The following C10orf105 variants were observed in gnomAD, a reference collection of about 807,000 sequenced individuals.
C10orf105 encodes the protein chromosome 10 open reading frame 105, also known as uncharacterized protein C10orf105.
C10orf105 carries 2 observed loss-of-function variants against 0.6 expected under a neutral mutation model. That is an observed-to-expected ratio of 3.18 (90% CI 1.30 to 10.01). The LOEUF is 10.01. Ranked by LOEUF, C10orf105 falls within the 30% of genes most tolerant of loss-of-function variation. The probability of loss-of-function intolerance (pLI) is 0.04; values close to 1 mark genes in which losing one functional copy is unlikely to be tolerated. For synonymous variants in C10orf105, 95 were observed against 82.4 expected (o/e 1.15, Z -0.83); for missense variants, 209 against 191.4 (o/e 1.09, Z -0.54).
At position 71,715,514 on chromosome 10, in the gene C10orf105, C is replaced by A. The variant is rs1866172811; in HGVS notation, c.*422G>T. ...TGTCTTGGCCCCGGTGTAGGCTGAG[C>A]ATTTCACTTGACTAAAGGGAACCTT... On this transcript the variant is annotated 3_prime_UTR_variant, in exon 2 of 2. Coordinates refer to ENST00000441508, the MANE Select transcript of C10orf105 (RefSeq NM_001164375.3). The A allele has an allele frequency of 6.3e-6, 1 of 159,662 alleles. No individual in the cohort carries two copies. Among genetic ancestry groups the A allele is most frequent in the South Asian group, 1.9e-4 (1 of 5,286 alleles). 9.9% of individuals were successfully genotyped at this position (159,662 alleles called of 1,614,324 possible). A position where few individuals can be genotyped will look rare whatever the true frequency, so the allele number is the denominator to read the frequency against.
intron 1 of C10orf105, among the ~76,000 whole-genome samples, chr10:71,727,251 C>T (rs766152487): frequency 1.3e-5 from 2 of 152,218 alleles, no homozygotes; most frequent in African/African-American, 2.4e-5. Flanking sequence ...TGGAGCCAGG[C>T]TTCATGCCTT....
At position 71,712,622 on chromosome 10, in the gene C10orf105, T is replaced by C; in HGVS notation, c.*3314A>G. On this transcript the variant is annotated 3_prime_UTR_variant, in exon 2 of 2. Coordinates refer to ENST00000441508, the MANE Select transcript of C10orf105 (RefSeq NM_001164375.3). ...CAAAGTCACAGGAAGTGTGCCCCTC[T>C]CTCAGGCAGCTGCTAACACCTGTCT... 6.2e-7 allele frequency: 1 copy of C among 1,607,270 alleles called. No homozygotes were observed. The highest frequency in any genetic ancestry group is 2.2e-5 in the East Asian group (1 of 44,702).
intron 1 of C10orf105, among the ~76,000 whole-genome samples, chr10:71,726,727 G>T (rs934424040): frequency 6.6e-6 from 1 of 152,194 alleles, no homozygotes; most frequent in African/African-American, 2.4e-5. Context: ...CCTTGTGTGG[G>T]GCCTACTTCA....
At chr10:71,721,603 C>G (rs1371740564), upstream of C10orf105, among the ~76,000 whole-genome samples, 1 of 152,198 alleles carries the variant, frequency 6.6e-6, no homozygotes, top group African/African-American at 2.4e-5. Context: ...GGCCCTTGTT[C>G]TTTTTGCTCC....
intron 1 of C10orf105, among the ~76,000 whole-genome samples, chr10:71,733,714 A>C (rs1447166784): frequency 1.3e-5 from 2 of 152,344 alleles, no homozygotes; most frequent in East Asian, 3.9e-4. Context: ...AGTTATTCTT[A>C]GCTAGTTGTC....
At chr10:71,734,374 G>A (rs1410085937) in intron 1 of C10orf105, 2 of 1,571,834 alleles carry the variant, frequency 1.3e-6, no homozygotes, top group Non-Finnish European at 1.7e-6. Context: ...TCCCTCAGGT[G>A]CGGCCCATCG....
intron 1 of C10orf105, among the ~76,000 whole-genome samples, chr10:71,736,471 A>G (rs1727908052): frequency 6.6e-6 from 1 of 152,190 alleles, no homozygotes; most frequent in Admixed American, 6.5e-5. Context: ...CAGGCTGGGT[A>G]GGGCATGGCT....
At chr10:71,736,089 TC>T (rs1474401034) in intron 1 of C10orf105, among the ~76,000 whole-genome samples, 1 of 152,062 alleles carries the variant, frequency 6.6e-6, no homozygotes, top group Non-Finnish European at 1.5e-5. Context: ...GGAAAGGAGG[TC>T]CCCCTGCGTG....
intron 1 of C10orf105, among the ~76,000 whole-genome samples, chr10:71,735,024 G>A (rs1420968904): frequency 3.3e-5 from 5 of 152,256 alleles, no homozygotes; most frequent in East Asian, 3.8e-4. Flanking sequence ...GGTCTAAAAC[G>A]AGGGTCATGC....
intron 1 of C10orf105, among the ~76,000 whole-genome samples, chr10:71,735,946 A>G (rs568289097): frequency 6.6e-6 from 1 of 152,342 alleles, no homozygotes; most frequent in Non-Finnish European, 1.5e-5. Flanking sequence ...GCAGACACTC[A>G]GGGGTAAAGT....
chr10:71,718,849 T>G (rs1866415258), intron 1 of C10orf105, among the ~76,000 whole-genome samples: 1 of 152,060 alleles, frequency 6.6e-6, no homozygotes, highest in Admixed American at 6.5e-5. Context: ...GGAGGATCAC[T>G]TGAGCCCAGG....
intron 1 of C10orf105, chr10:71,732,467 A>G (rs747886493): frequency 6.6e-7 from 1 of 1,514,234 alleles, no homozygotes; most frequent in Non-Finnish European, 8.9e-7. Context: ...CCTCTTTGTC[A>G]TAAAATGTCC....
At chr10:71,723,417 A>C (rs1188440281), upstream of C10orf105, among the ~76,000 whole-genome samples, 2 of 152,026 alleles carry the variant, frequency 1.3e-5, no homozygotes, top group Admixed American at 6.5e-5. Context: ...CCCCCCCCAC[A>C]CACAAGCCCA....
In C10orf105 at chr10:71,714,998, C is replaced by G. The variant is rs1308152328; in HGVS notation, c.*938G>C. Reference sequence around the variant, plus strand: ...TGACGGGTCATCAGCAAAGCACTCACCAAAACCACAGATAGCATCCCTAGT... The same window carrying G: ...TGACGGGTCATCAGCAAAGCACTCAGCAAAACCACAGATAGCATCCCTAGT... On this transcript the variant is annotated 3_prime_UTR_variant, in exon 2 of 2. Coordinates refer to ENST00000441508, the MANE Select transcript of C10orf105 (RefSeq NM_001164375.3). 6.6e-6 allele frequency: 1 copy of G among 152,302 alleles called. No individual in the cohort carries two copies. Among genetic ancestry groups the G allele is most frequent in the East Asian group, 1.9e-4 (1 of 5,202 alleles). 9.4% of individuals were successfully genotyped at this position (152,302 alleles called of 1,614,324 possible).
In C10orf105 at chr10:71,732,292, G is replaced by A. The variant is rs121908351; in HGVS notation, c.-6+5436C>T. 9.3e-6 allele frequency: 15 copies of A among 1,612,408 alleles called. No individual in the cohort carries two copies. The highest frequency in any genetic ancestry group is 6.7e-5 in the East Asian group (3 of 44,836). ...TGTGCGGGTCCAGGCCTACTCCATC[G>A]ACAACCTCAACCAAATCACGTACCG... is the stretch of plus-strand genomic sequence containing the variant. On this transcript the variant is annotated intron_variant, in intron 1 of 1. Transcript: ENST00000398786.
Position 71,732,011 on chromosome 10 carries a change from G to A in C10orf105, c.-6+5717C>T, listed in dbSNP as rs1246203490. On this transcript the variant is annotated intron_variant, in intron 1 of 1. Coordinates refer to the C10orf105 transcript ENST00000398786. ...GGGGATGGTGGCCTGGTGAACTACC[G>A]CATCCTGTCGGGCGCAGAGGGGAAG... 25 of 1,613,746 alleles carry A rather than the reference G, an allele frequency of 1.5e-5. No homozygotes were observed. The highest frequency in any genetic ancestry group is 1.9e-5 in the Non-Finnish European group (22 of 1,179,832).
In C10orf105 at chr10:71,725,534, C is replaced by T. The variant is rs368179247; in HGVS notation, c.-5-9192G>A. 17 of 1,609,260 alleles carry T rather than the reference C, an allele frequency of 1.1e-5. No homozygotes were observed. Among genetic ancestry groups the T allele is most frequent in the African/African-American group, 9.4e-5 (7 of 74,818 alleles). On this transcript the variant is annotated intron_variant, in intron 1 of 1. Coordinates refer to the C10orf105 transcript ENST00000398786. Reference sequence around the variant, plus strand: ...AGCTCCGTCAGGGTGAGGCTAGGGGCGGGCTGGGGTGCTGACCTCAGGACG... The same window carrying T: ...AGCTCCGTCAGGGTGAGGCTAGGGGTGGGCTGGGGTGCTGACCTCAGGACG...
At chr10:71,725,537 GC>G in intron 1 of C10orf105, 1 of 1,608,888 alleles carries the variant, frequency 6.2e-7, no homozygotes, top group Non-Finnish European at 8.5e-7. Context: ...CTAGGGGCGG[GC>G]TGGGGTGCTG....
intron 1 of C10orf105, chr10:71,737,684 T>TAAAA: frequency 2.1e-6 from 1 of 469,536 alleles, no homozygotes; most frequent in Non-Finnish European, 4.4e-6. Flanking sequence ...AAACCTGAGC[T>TAAAA]CCTCCAACCC....
Sources: allele counts gnomAD v4.1 joint callset (sites outside exome capture counted in the v4.1 genomes callset), GRCh38; gene constraint gnomAD v4.1.1; transcripts MANE v1.5; gene names NCBI Gene and HGNC (gene_info 2026-07-23, HGNC 2026-07-21).